GMIP: variants seen among roughly 807,000 people sequenced by gnomAD.
The protein encoded by GMIP is GEM interacting protein, also known as GEM-interacting protein.
A neutral mutation model predicts 105.3 loss-of-function variants in GMIP; 54 were observed. The ratio of observed to expected loss-of-function variants is 0.51; its 90% CI spans 0.41 to 0.64. The LOEUF (loss-of-function observed/expected upper bound fraction) is 0.64, where lower values mean the gene tolerates loss of function less well. Ranked by LOEUF, GMIP falls within the 30% of genes least tolerant of loss-of-function variation. GMIP has a pLI of 0.00. For synonymous variants in GMIP, 541 were observed against 560.8 expected (o/e 0.96, Z 0.50); for missense variants, 1,110 against 1,319.4 (o/e 0.84, Z 2.46).
chr19:19,634,481 T>C lies in GMIP; in HGVS notation c.2084+26A>G. 6.3e-7 allele frequency: 1 copy of C among 1,578,720 alleles called. No homozygotes were observed. The highest frequency in any genetic ancestry group is 1.2e-5 in the South Asian group (1 of 86,204). On this transcript the variant is annotated intron_variant, in intron 18 of 20. Coordinates refer to ENST00000203556, the MANE Select transcript of GMIP (RefSeq NM_016573.4). The surrounding 1 kb of genome is among the most constrained non-coding windows in gnomAD (Gnocchi z 6.1). ...GCATGTCCAGGGAAAAGGGTCGCGT[T>C]TCAAGGCTCAGGGACCCATGCACAC...
chr19:19,639,533 C>T (rs963490886), intron 7 of GMIP, among the ~76,000 whole-genome samples: 1 of 152,062 alleles, frequency 6.6e-6, no homozygotes, highest in Admixed American at 6.6e-5. Context: ...CTCAGCACCT[C>T]GTTCCCCTCC....
Position 19,637,392 on chromosome 19 carries a change from AAGG to A in GMIP, c.1094_1096del (p.Ser365del), listed in dbSNP as rs2061865961. The A allele has an allele frequency of 4.6e-6, 7 of 1,508,638 alleles. No homozygotes were observed. The highest frequency in any genetic ancestry group is 6.2e-6 in the Non-Finnish European group (7 of 1,136,542). The allele number at this position is 1,508,638 out of a possible 1,614,324, so 93.5% of individuals were successfully genotyped here. A position where few individuals can be genotyped will look rare whatever the true frequency, so the allele number is the denominator to read the frequency against. On this transcript the variant is annotated inframe_deletion, in exon 11 of 21. Transcript: ENST00000203556. The surrounding 1 kb of genome is among the most constrained non-coding windows in gnomAD (Gnocchi z 6.7). The stretch of plus-strand genomic sequence containing the variant: ...GTTCAAGGAGGGAAGGAACTCCTGG[AAGG>A]AGAAGGCGGGCGGCGGGGGCGGCGG...
Position 19,635,829 on chromosome 19 carries a change from G to T in GMIP, c.1328-108C>A. On this transcript the variant is annotated intron_variant, in intron 13 of 20. Coordinates refer to ENST00000203556, the MANE Select transcript of GMIP (RefSeq NM_016573.4). This position sits in a 1 kb window ranked among gnomAD's most constrained non-coding sequence, Gnocchi z 4.7. ...TCCCAAGGGGTCAGAGGTCAGGAGGGGGATTGGACAGGTCAGTGGTTAAGG... is the reference window on the plus strand; with the variant it reads ...TCCCAAGGGGTCAGAGGTCAGGAGGTGGATTGGACAGGTCAGTGGTTAAGG... 1 of 893,934 alleles carries T rather than the reference G, an allele frequency of 1.1e-6. No homozygotes were observed. 55.4% of individuals were successfully genotyped at this position (893,934 alleles called of 1,614,324 possible).
At position 19,637,004 on chromosome 19, in the gene GMIP, G is replaced by A. The variant is rs776192283; in HGVS notation, c.1150C>T (p.Leu384Phe). The A allele has an allele frequency of 1.9e-6, 3 of 1,575,044 alleles. No homozygotes were observed. The highest frequency in any genetic ancestry group is 1.8e-5 in the Admixed American group (1 of 54,276). ...NSSPLDIRKK[L>F]SGPLPPRLDE... Reference sequence around the variant, plus strand: ...AGCCTTGGAGGAAGAGGCCCAGAGAGCTTCTTTCTGATGTCCAGAGGGGAG... The same window carrying A: ...AGCCTTGGAGGAAGAGGCCCAGAGAACTTCTTTCTGATGTCCAGAGGGGAG... Residue 384 changes from leucine to phenylalanine, a missense_variant, in exon 12 of 21, where the codon CTC becomes TTC. Physicochemically the swap from Leu to Phe is conservative, Grantham distance 22 (BLOSUM62 0). Around this residue, in one of 3 missense-constraint regions of GMIP, gnomAD observed 667 missense variants for 773.2 expected, o/e 0.86. Transcript: ENST00000203556. The surrounding 1 kb of genome is among the most constrained non-coding windows in gnomAD (Gnocchi z 6.7).
Position 19,637,858 on chromosome 19 carries a change from T to TGGGGCACTCAGTC in GMIP, c.927+49_927+61dup. The TGGGGCACTCAGTC allele has an allele frequency of 1.3e-6, 2 of 1,519,086 alleles. No homozygotes were observed. The highest frequency in any genetic ancestry group is 1.8e-6 in the Non-Finnish European group (2 of 1,124,010). 94.1% of individuals were successfully genotyped at this position (1,519,086 alleles called of 1,614,324 possible). ...TCCAGGGTGGCTTAGGGGCGAGGAG[T>TGGGGCACTCAGTC]GGGGCACTCAGTCGGGGCCCCAACG... On this transcript the variant is annotated intron_variant, in intron 10 of 20. Transcript: ENST00000203556. This position sits in a 1 kb window ranked among gnomAD's most constrained non-coding sequence, Gnocchi z 6.7.
chr19:19,630,207 A>T lies in GMIP; in HGVS notation c.2669T>A (p.Val890Glu), dbSNP rs141650591. 12 of 1,598,618 alleles carry T rather than the reference A, an allele frequency of 7.5e-6. No individual in the cohort carries two copies. The highest frequency in any genetic ancestry group is 1.0e-5 in the Non-Finnish European group (12 of 1,169,052). ...VTHQLSSLALVASKLCEETPI... is the reference protein window; with the variant it reads ...VTHQLSSLALEASKLCEETPI... ...GGTCTCCTCGCACAGCTTGGAAGCCACCAGGGCCAGACTGGACAGCTGGTG... is the reference window on the plus strand; with the variant it reads ...GGTCTCCTCGCACAGCTTGGAAGCCTCCAGGGCCAGACTGGACAGCTGGTG... Residue 890 changes from valine (V) to glutamate (E), a missense_variant, in exon 21 of 21, where the codon GTG becomes GAG. Physicochemically the swap from Val to Glu is moderately radical, Grantham distance 121 (BLOSUM62 -2). Around this residue, in one of 3 missense-constraint regions of GMIP, gnomAD observed 394 missense variants for 450.5 expected, o/e 0.87. Coordinates refer to ENST00000203556, the MANE Select transcript of GMIP (RefSeq NM_016573.4). This position sits in a 1 kb window ranked among gnomAD's most constrained non-coding sequence, Gnocchi z 4.8.
At position 19,637,535 on chromosome 19, in the gene GMIP, C is replaced by T. The variant is rs554784252; in HGVS notation, c.954G>A (p.Arg318=). 31 of 1,534,116 alleles carry T rather than the reference C, an allele frequency of 2.0e-5. No homozygotes were observed. The Admixed American group carries it at 6.4e-4, about 32-fold the overall frequency. Residue 318 remains arginine, a synonymous_variant, in exon 11 of 21, where the codon CGG becomes CGA. Transcript: ENST00000203556. The surrounding 1 kb of genome is among the most constrained non-coding windows in gnomAD (Gnocchi z 6.7). ...RRVTLSLFGL[R]GAQAERGPRA... is the part of the protein sequence containing the mutation. ...GGGGGCCACGCTCTGCCTGCGCCCCCCGCAGCCCGAAGAGACTCAGCGTCA... is the reference window on the plus strand; with the variant it reads ...GGGGGCCACGCTCTGCCTGCGCCCCTCGCAGCCCGAAGAGACTCAGCGTCA...
Position 19,634,926 on chromosome 19 carries a change from T to C in GMIP, c.1753A>G (p.Ile585Val), listed in dbSNP as rs1256079626. ...ACCCGGGACCCGCTGACCCGGTAAA[T>C]GCCCTGCAGGGTGAGGGTGAAAAAC... ...IEHRALDVQG[I>V]YRVSGSRVRV... Residue 585 changes from isoleucine to valine, a missense_variant, in exon 17 of 21, where the codon ATT becomes GTT. Coordinates refer to ENST00000203556, the MANE Select transcript of GMIP (RefSeq NM_016573.4). This position sits in a 1 kb window ranked among gnomAD's most constrained non-coding sequence, Gnocchi z 6.1. 6.2e-7 allele frequency: 1 copy of C among 1,613,758 alleles called. No homozygotes were observed. Among genetic ancestry groups the C allele is most frequent in the Non-Finnish European group, 8.5e-7 (1 of 1,179,988 alleles).
rs1212168285 is a variant in GMIP, at chr19:19,635,086, T to C, written c.1688A>G (p.Glu563Gly). ...GCACTTCGTGACCACAAAGGGTACC[T>C]CCTCCGGGAAGTCCCTGGGTAGCTG... The part of the protein sequence containing the change: ...FLQLPRDFPE[E>G]VPFVVTKCTA... Residue 563 changes from glutamate (E) to glycine (G), a missense_variant, in exon 16 of 21, where the codon GAG becomes GGG. Physicochemically the swap from Glu to Gly is moderately conservative, Grantham distance 98 (BLOSUM62 -2). Transcript: ENST00000203556. The surrounding 1 kb of genome is among the most constrained non-coding windows in gnomAD (Gnocchi z 4.7). 6.2e-7 allele frequency: 1 copy of C among 1,613,926 alleles called. No individual in the cohort carries two copies. The highest frequency in any genetic ancestry group is 1.7e-5 in the Admixed American group (1 of 60,000).
In GMIP at chr19:19,635,783, C is replaced by T; in HGVS notation, c.1328-62G>A. 1.5e-6 allele frequency: 2 copies of T among 1,333,626 alleles called. No individual in the cohort carries two copies. The highest frequency in any genetic ancestry group is 1.8e-4 in the Middle Eastern group (1 of 5,440). The allele number at this position is 1,333,626 out of a possible 1,614,324, so 82.6% of individuals were successfully genotyped here. A position where few individuals can be genotyped will look rare whatever the true frequency, so the allele number is the denominator to read the frequency against. Reference sequence around the variant, plus strand: ...TGGGAGGCACTCCTGGTTTTTAGGGCTTCCAGAACCACCCACTAATTCCCA... The same window carrying T: ...TGGGAGGCACTCCTGGTTTTTAGGGTTTCCAGAACCACCCACTAATTCCCA... On this transcript the variant is annotated intron_variant, in intron 13 of 20. Transcript: ENST00000203556. This position sits in a 1 kb window ranked among gnomAD's most constrained non-coding sequence, Gnocchi z 4.7.
At chr19:19,642,819 G>C (rs1374690022) in intron 1 of GMIP, among the ~76,000 whole-genome samples, 200 bp from the exon 2 acceptor site, 2 of 151,978 alleles carry the variant, frequency 1.3e-5, no homozygotes, top group Admixed American at 6.6e-5. Flanking sequence ...ACAGCTGCTC[G>C]GGGAACAGAG....
Position 19,633,953 on chromosome 19 carries a change from G to A in GMIP, c.2322C>T (p.Ser774=), listed in dbSNP as rs141571813. ...TGGTTGTGAGGGGCCCAGGGGCTGG[G>A]CTGGAGTCTTGGGGCGGGGGCTCAG... ...QATEPPPQDS[S]PAPGPLTTSS... The change falls in exon 19 of 21, where the codon AGC becomes AGT. Residue 774 remains serine, a synonymous_variant. Transcript: ENST00000203556. The A allele has an allele frequency of 3.1e-3, 4,917 of 1,583,914 alleles. 11 individuals carry two copies. The highest frequency in any genetic ancestry group is 3.8e-3 in the Non-Finnish European group (4,383 of 1,159,030).
At chr19:19,639,558 G>A (rs1435911648) in intron 7 of GMIP, among the ~76,000 whole-genome samples, 2 of 151,430 alleles carry the variant, frequency 1.3e-5, no homozygotes, top group Admixed American at 6.6e-5. Context: ...AAACAAAAAC[G>A]AAGTTTTTGG....
rs762862055 is a variant in GMIP, at chr19:19,642,092, GTC to G, written c.105-43_105-42del. 4 of 1,404,766 alleles carry G rather than the reference GTC, an allele frequency of 2.8e-6. No individual in the cohort carries two copies. The African/African-American group carries it at 5.7e-5, about 20-fold the overall frequency. 87.0% of individuals were successfully genotyped at this position (1,404,766 alleles called of 1,614,324 possible). On this transcript the variant is annotated intron_variant, in intron 2 of 20. Coordinates refer to ENST00000203556, the MANE Select transcript of GMIP (RefSeq NM_016573.4). ...GTGTCAGGATGCCACCTTACACCCA[GTC>G]TGTCCTGCCAAGGGGTGCTGGGGAC... is the stretch of plus-strand genomic sequence containing the variant.
At position 19,642,620 on chromosome 19, in the gene GMIP, C is replaced by G. The variant is rs1444083390; in HGVS notation, c.20-1G>C. 1 of 1,569,956 alleles carries G rather than the reference C, an allele frequency of 6.4e-7. No individual in the cohort carries two copies. The highest frequency in any genetic ancestry group is 1.1e-5 in the South Asian group (1 of 89,584). ...CTGCCCTCAGGACCTGGGGGGAGTC[C>G]TAGGGGAGGGGAGTGTAATACATGG... is the stretch of plus-strand genomic sequence containing the variant. On this transcript the variant is annotated splice_acceptor_variant, in intron 1 of 20. Coordinates refer to ENST00000203556, the MANE Select transcript of GMIP (RefSeq NM_016573.4). LOFTEE classifies it high-confidence loss of function.
chr19:19,631,831 C>CA (rs1289766113), intron 19 of GMIP, among the ~76,000 whole-genome samples: 2 of 151,138 alleles, frequency 1.3e-5, no homozygotes, highest in African/African-American at 2.4e-5. Flanking sequence ...ACTAAAAATA[C>CA]AAAAAAATTA....
chr19:19,642,945 A>G (rs1416386505), intron 1 of GMIP, among the ~76,000 whole-genome samples: 1 of 152,176 alleles, frequency 6.6e-6, no homozygotes, highest in African/African-American at 2.4e-5. Context: ...CACGGGCTAG[A>G]CAGATGGAAA....
Position 19,637,302 on chromosome 19 carries a change from G to T in GMIP, c.1124+63C>A. 8.7e-7 allele frequency: 1 copy of T among 1,144,554 alleles called. No individual in the cohort carries two copies. The allele number at this position is 1,144,554 out of a possible 1,614,324, so 70.9% of individuals were successfully genotyped here. ...TCTAACCTCGAGTAACCAGCCTGCG[G>T]TGCCAACAGCCTGGCATCGCGATTC... On this transcript the variant is annotated intron_variant, in intron 11 of 20. Transcript: ENST00000203556. The surrounding 1 kb of genome is among the most constrained non-coding windows in gnomAD (Gnocchi z 6.7).
Position 19,638,249 on chromosome 19 carries a change from C to A in GMIP, c.699G>T (p.Gly233=). The A allele has an allele frequency of 6.2e-7, 1 of 1,603,732 alleles. No homozygotes were observed. The highest frequency in any genetic ancestry group is 8.5e-7 in the Non-Finnish European group (1 of 1,179,360). The change falls in exon 9 of 21, where the codon GGG becomes GGT. Residue 233 remains glycine, a synonymous_variant. Coordinates refer to ENST00000203556, the MANE Select transcript of GMIP (RefSeq NM_016573.4). ...RSEDLRARSQ[G]SPEDSAPQAS... ...CCTGGGGGGCCGAGTCCTCAGGGGA[C>A]CCCTGGGAGCGTGCCCGCAGGTCCT...
Sources: allele counts gnomAD v4.1 joint callset (sites outside exome capture counted in the v4.1 genomes callset), GRCh38; gene constraint gnomAD v4.1.1; regional missense constraint gnomAD v4.1.1; non-coding constraint Gnocchi (gnomAD v3.1); transcripts MANE v1.5; gene names NCBI Gene and HGNC (gene_info 2026-07-23, HGNC 2026-07-21).